Variants in ONECUT1 observed in about 807,000 individuals in gnomAD.
The protein encoded by ONECUT1 is hepatocyte nuclear factor 6.
ONECUT1 carries 12 observed loss-of-function variants against 25.6 expected under a neutral mutation model. That is an observed-to-expected ratio of 0.47 (90% CI 0.30 to 0.76). The LOEUF (loss-of-function observed/expected upper bound fraction) is 0.76. Ranked by LOEUF, ONECUT1 falls within the 30% of genes least tolerant of loss-of-function variation. The pLI is 0.07. For synonymous variants in ONECUT1, 285 were observed against 270.2 expected (o/e 1.05, Z -0.54); for missense variants, 620 against 651.2 (o/e 0.95, Z 0.52).
chr15:52,787,244 C>G (rs1053053007), intron 1 of ONECUT1: 1 of 152,232 alleles, frequency 6.6e-6, no homozygotes, highest in Non-Finnish European at 1.5e-5. Flanking sequence ...TTGCCTGGGG[C>G]GAACGAAGGC....
intron 1 of ONECUT1, among the ~76,000 whole-genome samples, chr15:52,776,570 C>G (rs1300913838): frequency 6.6e-6 from 1 of 152,220 alleles, no homozygotes; most frequent in East Asian, 1.9e-4. Context: ...CCATTTCATT[C>G]CACAACAGGT....
chr15:52,765,860 C>A (rs1209160806), intron 1 of ONECUT1, among the ~76,000 whole-genome samples: 1 of 152,236 alleles, frequency 6.6e-6, no homozygotes, highest in African/African-American at 2.4e-5. Flanking sequence ...GAGGGCACAG[C>A]CCAGTGTGCC....
chr15:52,761,312 T>C (rs1435437186), intron 1 of ONECUT1, among the ~76,000 whole-genome samples: 1 of 152,204 alleles, frequency 6.6e-6, no homozygotes, highest in Non-Finnish European at 1.5e-5. Context: ...AAAACCTTTC[T>C]GAATGCACAT....
At chr15:52,778,647 C>T (rs1238014318) in intron 1 of ONECUT1, among the ~76,000 whole-genome samples, 1 of 152,210 alleles carries the variant, frequency 6.6e-6, no homozygotes, top group Non-Finnish European at 1.5e-5. Flanking sequence ...ACTTTGGGGC[C>T]AGAAGGCAGA....
intron 1 of ONECUT1, among the ~76,000 whole-genome samples, chr15:52,766,004 A>T (rs777278874): frequency 1.1e-4 from 17 of 152,210 alleles, no homozygotes; most frequent in Non-Finnish European, 2.5e-4. Context: ...AACCTACTGG[A>T]CATGAGCTGT....
chr15:52,778,046 G>A (rs928077511), intron 1 of ONECUT1, among the ~76,000 whole-genome samples: 43 of 152,100 alleles, frequency 2.8e-4, no homozygotes, highest in African/African-American at 1.0e-3. Flanking sequence ...TTGGGTTGAG[G>A]AATCAGACAA....
At position 52,789,939 on chromosome 15, in the gene ONECUT1, G is replaced by C; in HGVS notation, c.-55C>G. On this transcript the variant is annotated 5_prime_UTR_variant, in exon 1 of 2. Coordinates refer to ENST00000305901, the MANE Select transcript of ONECUT1 (RefSeq NM_004498.4). The surrounding 1 kb of genome is among the most constrained non-coding windows in gnomAD (Gnocchi z 4.1). ...AACATCGATGTGGCCAGGCAGAGGC[G>C]GCGAGGGGCGCACGGAGTCCGGTCT... 6.8e-7 allele frequency: 1 copy of C among 1,470,676 alleles called. No homozygotes were observed. Among genetic ancestry groups the C allele is most frequent in the Admixed American group, 2.5e-5 (1 of 40,466 alleles). The allele number at this position is 1,470,676 out of a possible 1,614,324, so 91.1% of individuals were successfully genotyped here.
At chr15:52,785,006 C>T (rs899265406) in intron 1 of ONECUT1, among the ~76,000 whole-genome samples, 2 of 152,226 alleles carry the variant, frequency 1.3e-5, no homozygotes, top group African/African-American at 2.4e-5. Context: ...AGACGCGAAG[C>T]GCGAGGAAAC....
Position 52,788,539 on chromosome 15 carries a change from T to C in ONECUT1, c.1105+241A>G, listed in dbSNP as rs1229306517. The C allele has an allele frequency of 4.1e-6, 2 of 493,426 alleles. No individual in the cohort carries two copies. Among genetic ancestry groups the C allele is most frequent in the East Asian group, 3.0e-5 (1 of 33,534 alleles). 30.6% of individuals were successfully genotyped at this position (493,426 alleles called of 1,614,324 possible). On this transcript the variant is annotated intron_variant, in intron 1 of 1. Coordinates refer to ENST00000305901, the MANE Select transcript of ONECUT1 (RefSeq NM_004498.4). This position sits in a 1 kb window ranked among gnomAD's most constrained non-coding sequence, Gnocchi z 4.3. ...CCTGAGCGCAAATGAGCCTCTTCAG[T>C]CGCCGAGGCCCGGCCGCTTAGCTCT...
chr15:52,758,266 A>G (rs531395091), intron 1 of ONECUT1, among the ~76,000 whole-genome samples: 1 of 152,318 alleles, frequency 6.6e-6, no homozygotes, highest in East Asian at 1.9e-4. Flanking sequence ...AGTTTATGCT[A>G]ACTTTACAAA....
intron 1 of ONECUT1, among the ~76,000 whole-genome samples, chr15:52,775,907 TTA>T (rs1265172272): frequency 1.3e-5 from 2 of 152,200 alleles, no homozygotes; most frequent in African/African-American, 4.8e-5. Flanking sequence ...TTCTCTTTGT[TTA>T]TAGATAGACA....
chr15:52,757,493 C>G lies in ONECUT1; in HGVS notation c.*62G>C. The stretch of plus-strand genomic sequence containing the variant: ...AAACCTGCTATCTTGAGGTCCTGGT[C>G]TTTTAAAAATTTTTTTTAATTTAAA... On this transcript the variant is annotated 3_prime_UTR_variant, in exon 2 of 2. Transcript: ENST00000305901. 1 of 1,524,620 alleles carries G rather than the reference C, an allele frequency of 6.6e-7. No individual in the cohort carries two copies. 94.4% of individuals were successfully genotyped at this position (1,524,620 alleles called of 1,614,324 possible). A position where few individuals can be genotyped will look rare whatever the true frequency, so the allele number is the denominator to read the frequency against.
chr15:52,773,472 T>C (rs193284681), intron 1 of ONECUT1, among the ~76,000 whole-genome samples: 74 of 152,340 alleles, frequency 4.9e-4, no homozygotes, highest in Non-Finnish European at 9.6e-4. Flanking sequence ...TGTATACACA[T>C]ATTTGTATGT....
intron 1 of ONECUT1, among the ~76,000 whole-genome samples, chr15:52,770,459 C>G (rs2083760509): frequency 6.6e-6 from 1 of 152,152 alleles, no homozygotes; most frequent in South Asian, 2.1e-4. Flanking sequence ...GAGATTCTGA[C>G]CATCTAACAA....
intron 1 of ONECUT1, among the ~76,000 whole-genome samples, chr15:52,782,168 C>G (rs911632809): frequency 1.3e-5 from 2 of 152,166 alleles, no homozygotes; most frequent in African/African-American, 4.8e-5. Flanking sequence ...AGCCCAGCAT[C>G]TATTAGCTAT....
At chr15:52,780,031 G>A (rs1001524069) in intron 1 of ONECUT1, among the ~76,000 whole-genome samples, 4 of 152,168 alleles carry the variant, frequency 2.6e-5, no homozygotes, top group Admixed American at 6.5e-5. Flanking sequence ...TTTCCTTCTG[G>A]AGCTGTGTCC....
At chr15:52,781,847 T>C (rs1330831716) in intron 1 of ONECUT1, among the ~76,000 whole-genome samples, 3 of 152,210 alleles carry the variant, frequency 2.0e-5, no homozygotes, top group African/African-American at 7.2e-5. Flanking sequence ...ACCACTGGTA[T>C]AAATGTTGAG....
intron 1 of ONECUT1, among the ~76,000 whole-genome samples, chr15:52,770,861 TGAGA>T (rs536066470): frequency 1.3e-5 from 2 of 150,872 alleles, no homozygotes; most frequent in African/African-American, 4.9e-5. Flanking sequence ...TGTCAGTTTA[TGAGA>T]GAGAGAGAGA....
chr15:52,759,601 TACAAAG>T (rs777939410), intron 1 of ONECUT1, among the ~76,000 whole-genome samples: 1 of 152,172 alleles, frequency 6.6e-6, no homozygotes, highest in Non-Finnish European at 1.5e-5. Flanking sequence ...ACATACACAA[TACAAAG>T]ACATTTTTTT....
Sources: gnomAD v4.1 joint callset for allele counts (sites outside exome capture counted in the v4.1 genomes callset) on GRCh38, gnomAD v4.1.1 for gene constraint, Gnocchi (gnomAD v3.1) non-coding constraint, MANE v1.5 for transcripts, NCBI Gene and HGNC (gene_info 2026-07-23, HGNC 2026-07-21) for gene names.